The following PCDHGA3 variants were observed in gnomAD, a reference collection of about 807,000 sequenced individuals.
PCDHGA3 encodes the protein protocadherin gamma-A3.
PCDHGA3 carries 40 observed loss-of-function variants against 58.5 expected under a neutral mutation model. The observed-to-expected ratio is 0.68, with a 90% CI of 0.53 to 0.89. The LOEUF (loss-of-function observed/expected upper bound fraction) is 0.89. Ranked by LOEUF, PCDHGA3 falls within the 40% of genes least tolerant of loss-of-function variation. PCDHGA3 has a pLI of 0.00. For missense variants in PCDHGA3, 1,223 were observed against 1,195.9 expected, an observed-to-expected ratio of 1.02 and a Z score of -0.33; for synonymous variants, 530 against 525.7, an observed-to-expected ratio of 1.01 and a Z score of -0.11.
intron 1 of PCDHGA3, chr5:141,409,662 TCTC>T (rs1473145245): frequency 2.5e-6 from 4 of 1,613,562 alleles, no homozygotes; most frequent in Admixed American, 1.7e-5. Context: ...AATGGCCACA[TCTC>T]CTACTCTATA....
chr5:141,374,666 G>T (rs1770705641), intron 1 of PCDHGA3: 3 of 1,611,404 alleles, frequency 1.9e-6, no homozygotes, highest in Non-Finnish European at 2.5e-6. Flanking sequence ...CCCGGAGCTG[G>T]TGCTGGAGGG....
rs759446483 is a variant in PCDHGA3 at position 141,376,133 on chromosome 5, C to T, written c.2424+29676C>T. On this transcript the variant is annotated intron_variant, in intron 1 of 3. Coordinates refer to ENST00000253812, the MANE Select transcript of PCDHGA3 (RefSeq NM_018916.4). ...GGGCAGCCTCGAGCCCTCCGCCAAA[C>T]CCAACGATTCGGACCTCACTCTGTA... 1.8e-5 allele frequency: 29 copies of T among 1,613,956 alleles called. No homozygotes were observed. The East Asian group carries it at 6.2e-4, about 35-fold the overall frequency.
chr5:141,408,431 G>A, intron 1 of PCDHGA3: 1 of 1,614,064 alleles, frequency 6.2e-7, no homozygotes. Flanking sequence ...GCACTTCAGC[G>A]TAGACGCGGA....
At position 141,357,621 on chromosome 5, in the gene PCDHGA3, G is replaced by A. The variant is rs746909809; in HGVS notation, c.2424+11164G>A. The stretch of plus-strand genomic sequence containing the variant: ...AAACAAAAGGAGACCCTAATCTTCA[G>A]GTGAGTCAATCTTATAATAGATCAT... On this transcript the variant is annotated intron_variant, in intron 1 of 3. Transcript: ENST00000253812. The A allele has an allele frequency of 1.9e-6, 3 of 1,613,788 alleles. No individual in the cohort carries two copies. In the South Asian group the frequency reaches 3.3e-5, roughly 18 times the overall value.
chr5:141,463,097 C>A (rs1333118215), intron 1 of PCDHGA3, among the ~76,000 whole-genome samples: 2 of 152,152 alleles, frequency 1.3e-5, no homozygotes, highest in East Asian at 3.8e-4. Context: ...CCCTATGTGA[C>A]CATCAAGAAT....
intron 1 of PCDHGA3, among the ~76,000 whole-genome samples, chr5:141,475,750 T>C (rs1158317865): frequency 6.6e-6 from 1 of 152,270 alleles, no homozygotes; most frequent in African/African-American, 2.4e-5. Context: ...AGGTTTCCTA[T>C]GCACCGATAC....
chr5:141,387,024 G>T (rs888266912), intron 1 of PCDHGA3, among the ~76,000 whole-genome samples: 2 of 152,172 alleles, frequency 1.3e-5, no homozygotes, highest in Non-Finnish European at 2.9e-5. Context: ...GATGAATGTT[G>T]TATTTCATAA....
intron 1 of PCDHGA3, chr5:141,362,646 A>G: frequency 1.4e-6 from 2 of 1,452,328 alleles, no homozygotes; most frequent in Non-Finnish European, 1.8e-6. Context: ...TTTGTCTGTG[A>G]GTTAGATTTG....
At chr5:141,470,511 A>T (rs1043414941) in intron 1 of PCDHGA3, among the ~76,000 whole-genome samples, 37 of 152,198 alleles carry the variant, frequency 2.4e-4, no homozygotes, top group African/African-American at 8.7e-4. Flanking sequence ...TTAGACAGTT[A>T]GCTAATATTA....
At chr5:141,394,519 C>A (rs1462431722) in intron 1 of PCDHGA3, 1 of 1,614,240 alleles carries the variant, frequency 6.2e-7, no homozygotes, top group South Asian at 1.1e-5. Context: ...GCCCTCCCCA[C>A]AGACGGTTCC....
chr5:141,372,977 T>C (rs1769216145), intron 1 of PCDHGA3: 2 of 661,598 alleles, frequency 3.0e-6, no homozygotes, highest in Admixed American at 3.3e-5. Context: ...CTGTAGAATA[T>C]CTGTGTTGCA....
Position 141,432,058 on chromosome 5 carries a change from C to T in PCDHGA3, c.2425-62749C>T, listed in dbSNP as rs2097444209. On this transcript the variant is annotated intron_variant, in intron 1 of 3. Coordinates refer to ENST00000253812, the MANE Select transcript of PCDHGA3 (RefSeq NM_018916.4). The surrounding 1 kb of genome is among the most constrained non-coding windows in gnomAD (Gnocchi z 6.0). ...CTGACCGGGGAACCCCGCCCCTATC[C>T]ACGGAAACTCATATCTCGCTGAACG... 1 of 1,614,210 alleles carries T rather than the reference C, an allele frequency of 6.2e-7. No individual in the cohort carries two copies.
intron 1 of PCDHGA3, among the ~76,000 whole-genome samples, chr5:141,359,823 CAT>C (rs1451386722): frequency 2.0e-5 from 3 of 152,068 alleles, no homozygotes; most frequent in African/African-American, 7.2e-5. Flanking sequence ...GAATATTTCA[CAT>C]ATTTTAAAAC....
At position 141,394,947 on chromosome 5, in the gene PCDHGA3, C is replaced by T. The variant is rs536743847; in HGVS notation, c.2424+48490C>T. The T allele has an allele frequency of 1.7e-5, 27 of 1,613,892 alleles. No homozygotes were observed. In the African/African-American group the frequency reaches 2.8e-4, roughly 17 times the overall value. Reference sequence around the variant, plus strand: ...CTTCCTCGCCTTTGTCGCTGTGCTTCTGGGGCTCAGGCTGAGGCGCTGGCA... The same window carrying T: ...CTTCCTCGCCTTTGTCGCTGTGCTTTTGGGGCTCAGGCTGAGGCGCTGGCA... On this transcript the variant is annotated intron_variant, in intron 1 of 3. Coordinates refer to ENST00000253812, the MANE Select transcript of PCDHGA3 (RefSeq NM_018916.4).
intron 1 of PCDHGA3, chr5:141,365,786 C>T (rs1446985601): frequency 6.2e-7 from 1 of 1,613,932 alleles, no homozygotes; most frequent in Non-Finnish European, 8.5e-7. Context: ...CGACAACGCT[C>T]GAGTCACCTA....
intron 3 of PCDHGA3, among the ~76,000 whole-genome samples, chr5:141,510,227 C>T (rs1010123412): frequency 1.3e-5 from 2 of 150,454 alleles, no homozygotes; most frequent in African/African-American, 2.5e-5. Context: ...GAGCCGGGAT[C>T]GCGCCACTGC....
chr5:141,404,072 C>G, intron 1 of PCDHGA3: 3 of 1,613,626 alleles, frequency 1.9e-6, no homozygotes, highest in Non-Finnish European at 2.5e-6. Context: ...TGCTCATGAC[C>G]GAGACTCCGG....
intron 2 of PCDHGA3, 40 bp from the exon 3 acceptor site, chr5:141,505,353 G>T (rs376781305): frequency 1.7e-5 from 27 of 1,613,426 alleles, no homozygotes; most frequent in Non-Finnish European, 2.0e-5. Flanking sequence ...GAGCTGTGCC[G>T]GCCTGGGAGT....
At chr5:141,388,360 A>T in intron 1 of PCDHGA3, 4 of 1,613,996 alleles carry the variant, frequency 2.5e-6, no homozygotes, top group Non-Finnish European at 3.4e-6. Flanking sequence ...TCTGCCCATG[A>T]TGCGGATATT....
Sources: allele counts gnomAD v4.1 joint callset (sites outside exome capture counted in the v4.1 genomes callset), GRCh38; gene constraint gnomAD v4.1.1; non-coding constraint Gnocchi (gnomAD v3.1); transcripts MANE v1.5; gene names NCBI Gene and HGNC (gene_info 2026-07-23, HGNC 2026-07-21).